The following EXT1 variants were observed in gnomAD, a reference collection of about 807,000 sequenced individuals.
EXT1 encodes the protein exostosin-1.
EXT1 carries 20 observed loss-of-function variants against 82.5 expected under a neutral mutation model. That is an observed-to-expected ratio of 0.24 (90% CI 0.17 to 0.35). The LOEUF is 0.35. Ranked by LOEUF, EXT1 falls within the 10% of genes least tolerant of loss-of-function variation. The pLI is 1.00. For synonymous variants in EXT1, 348 were observed against 350.8 expected, an observed-to-expected ratio of 0.99 and a Z score of 0.09; for missense variants, 757 against 936.5, an observed-to-expected ratio of 0.81 and a Z score of 2.50.
intron 1 of EXT1, among the ~76,000 whole-genome samples, chr8:117,904,688 C>T (rs1813510952): frequency 6.6e-6 from 1 of 152,020 alleles, no homozygotes; most frequent in Non-Finnish European, 1.5e-5. Flanking sequence ...TACTACCTGC[C>T]CCCCAACACC....
At chr8:118,082,310 C>A (rs1177773127) in intron 1 of EXT1, among the ~76,000 whole-genome samples, 1 of 152,054 alleles carries the variant, frequency 6.6e-6, no homozygotes, top group African/African-American at 2.4e-5. Context: ...TAACACAATG[C>A]AAAAAGAACA....
intron 1 of EXT1, among the ~76,000 whole-genome samples, chr8:117,889,328 C>T (rs1360311166): frequency 6.6e-6 from 1 of 152,190 alleles, no homozygotes; most frequent in African/African-American, 2.4e-5. Context: ...TCACCCTAAT[C>T]CACACCGTAA....
chr8:117,912,739 T>C lies in EXT1; in HGVS notation c.963-75538A>G, dbSNP rs1311536699. Among the ~76,000 whole-genome samples, 4 of 152,180 alleles carry C rather than the reference T, an allele frequency of 2.6e-5. No individual in the cohort carries two copies. In the East Asian group the frequency reaches 5.8e-4, roughly 22 times the overall value. On this transcript the variant is annotated intron_variant, in intron 1 of 10. Transcript: ENST00000378204. ...TACAACATGACCACCAGAAAGCATATACATATAATGTCCCAAAGTCAAGAG... is the reference window on the plus strand; with the variant it reads ...TACAACATGACCACCAGAAAGCATACACATATAATGTCCCAAAGTCAAGAG...
chr8:117,980,059 C>A (rs987452900), intron 1 of EXT1, among the ~76,000 whole-genome samples: 15 of 152,072 alleles, frequency 9.9e-5, no homozygotes, highest in African/African-American at 3.6e-4. Flanking sequence ...TCTAAGATAG[C>A]TAGAAGTGTG....
intron 1 of EXT1, among the ~76,000 whole-genome samples, chr8:117,958,966 T>G (rs1049944368): frequency 4.6e-5 from 7 of 152,070 alleles, no homozygotes; most frequent in Non-Finnish European, 1.0e-4. Context: ...GAACAAGCAA[T>G]AGGTTGGGTT....
chr8:117,883,852 A>G (rs1375536604), intron 1 of EXT1, among the ~76,000 whole-genome samples: 1 of 152,212 alleles, frequency 6.6e-6, no homozygotes, highest in Non-Finnish European at 1.5e-5. Context: ...ACTTGAATGT[A>G]CATTTTAAAA....
chr8:117,950,780 G>C (rs2129694352), intron 1 of EXT1, among the ~76,000 whole-genome samples: 1 of 152,250 alleles, frequency 6.6e-6, no homozygotes, highest in African/African-American at 2.4e-5. Flanking sequence ...TGTTATTCAA[G>C]TTCACCTTGA....
Position 117,873,447 on chromosome 8 carries a change from CTTTTTTTTTTT to C in EXT1, c.963-36257_963-36247del, listed in dbSNP as rs1184985472. Among the ~76,000 whole-genome samples the C allele has an allele frequency of 1.3e-4, 13 of 99,676 alleles. 1 individual carries two copies. The highest frequency in any genetic ancestry group is 4.9e-4 in the African/African-American group (12 of 24,314). 65.4% of individuals were successfully genotyped at this position (99,676 alleles called of 152,430 possible). A position where few individuals can be genotyped will look rare whatever the true frequency, so the allele number is the denominator to read the frequency against. The stretch of plus-strand genomic sequence containing the variant: ...GGTTAAGACCAATGTTGTCCTGTGA[CTTTTTTTTTTT>C]TTTTTTTTTTTTTTTGAGACAGGGT... On this transcript the variant is annotated intron_variant, in intron 1 of 10. Coordinates refer to ENST00000378204, the MANE Select transcript of EXT1 (RefSeq NM_000127.3).
At chr8:118,084,131 T>C (rs1265660954) in intron 1 of EXT1, among the ~76,000 whole-genome samples, 1 of 152,200 alleles carries the variant, frequency 6.6e-6, no homozygotes, top group African/African-American at 2.4e-5. Context: ...ACTGATCTAA[T>C]CACCAAGCTC....
At chr8:117,877,396 T>G (rs566621211) in intron 1 of EXT1, among the ~76,000 whole-genome samples, 24 of 152,312 alleles carry the variant, frequency 1.6e-4, no homozygotes, top group Admixed American at 1.4e-3. Flanking sequence ...GGCCAGATTC[T>G]GCAACACTGA....
At chr8:117,843,272 G>A (rs1256834061) in intron 1 of EXT1, among the ~76,000 whole-genome samples, 1 of 152,152 alleles carries the variant, frequency 6.6e-6, no homozygotes, top group Non-Finnish European at 1.5e-5. Context: ...ACTCTTCAGG[G>A]AGCTCACTGT....
At chr8:118,024,426 C>T (rs551394610) in intron 1 of EXT1, among the ~76,000 whole-genome samples, 1 of 152,222 alleles carries the variant, frequency 6.6e-6, no homozygotes, top group Non-Finnish European at 1.5e-5. Context: ...ATTCATCCAG[C>T]CAGCCAGCCA....
chr8:117,990,080 C>T (rs184726715), intron 1 of EXT1, among the ~76,000 whole-genome samples: 1 of 151,930 alleles, frequency 6.6e-6, no homozygotes, highest in Non-Finnish European at 1.5e-5. Flanking sequence ...GGCTGAGGCA[C>T]GAGAATCACT....
intron 1 of EXT1, among the ~76,000 whole-genome samples, chr8:117,983,326 A>G (rs1815246305): frequency 6.6e-6 from 1 of 152,138 alleles, no homozygotes; most frequent in African/African-American, 2.4e-5. Flanking sequence ...TTTATAAAAA[A>G]TATTAAAGTT....
At chr8:117,894,565 A>AC (rs1400185791) in intron 1 of EXT1, among the ~76,000 whole-genome samples, 1 of 151,822 alleles carries the variant, frequency 6.6e-6, no homozygotes, top group Non-Finnish European at 1.5e-5. Flanking sequence ...CCCCAACACC[A>AC]CCCCCATCAG....
intron 1 of EXT1, among the ~76,000 whole-genome samples, chr8:117,962,997 T>C (rs766686815): frequency 2.6e-5 from 4 of 152,136 alleles, no homozygotes; most frequent in Non-Finnish European, 5.9e-5. Flanking sequence ...TGTTCCAAGG[T>C]AGGAAACTGG....
At chr8:118,086,853 A>G (rs1304468216) in intron 1 of EXT1, among the ~76,000 whole-genome samples, 1 of 152,178 alleles carries the variant, frequency 6.6e-6, no homozygotes, top group Non-Finnish European at 1.5e-5. Flanking sequence ...TGGGATAACT[A>G]TTTAGGAGCT....
chr8:117,969,623 A>G (rs1814897452), intron 1 of EXT1, among the ~76,000 whole-genome samples: 1 of 152,202 alleles, frequency 6.6e-6, no homozygotes, highest in South Asian at 2.1e-4. Flanking sequence ...TAAATTATGC[A>G]TGTTTGCGAG....
intron 1 of EXT1, among the ~76,000 whole-genome samples, chr8:117,908,438 TG>T (rs904677277): frequency 1.3e-5 from 2 of 152,066 alleles, no homozygotes; most frequent in African/African-American, 4.8e-5. Flanking sequence ...AAGACCAGCC[TG>T]GGCAACATGG....
Sources: allele counts gnomAD v4.1 joint callset (sites outside exome capture counted in the v4.1 genomes callset), GRCh38; gene constraint gnomAD v4.1.1; transcripts MANE v1.5; gene names NCBI Gene and HGNC (gene_info 2026-07-23, HGNC 2026-07-21).